Variants in ROR1 observed in about 807,000 individuals in gnomAD.
ROR1 encodes the protein ROR family WNT receptor 1.
Under a neutral mutation model 78.8 loss-of-function variants are expected in ROR1, and 19 were observed. That is an observed-to-expected ratio of 0.24 (90% CI 0.17 to 0.35). ROR1 has a LOEUF of 0.35. Ranked by LOEUF, ROR1 falls within the 10% of genes least tolerant of loss-of-function variation. The pLI is 1.00. For synonymous variants in ROR1, 386 were observed against 433.6 expected, an observed-to-expected ratio of 0.89 and a Z score of 1.36; for missense variants, 917 against 1,177.8, an observed-to-expected ratio of 0.78 and a Z score of 3.24.
chr1:63,873,718 A>G (rs2100362902), intron 1 of ROR1, among the ~76,000 whole-genome samples: 1 of 150,518 alleles, frequency 6.6e-6, no homozygotes, highest in African/African-American at 2.5e-5. Context: ...TCCAAGTAAT[A>G]CATGGTTCAA....
In ROR1 at chr1:63,774,649, G is replaced by C. The variant is rs930449287; in HGVS notation, c.91+141G>C. On this transcript the variant is annotated intron_variant, in intron 1 of 8. Transcript: ENST00000371079. This position sits in a 1 kb window ranked among gnomAD's most constrained non-coding sequence, Gnocchi z 5.7. ...CCGGCCACCCGCCACGGGGCTCGCC[G>C]GCGCCGCCAGGCCAGGGTTTGCCCC... is the stretch of plus-strand genomic sequence containing the variant. 3.4e-6 allele frequency: 1 copy of C among 290,596 alleles called. No individual in the cohort carries two copies. The highest frequency in any genetic ancestry group is 5.2e-6 in the Non-Finnish European group (1 of 193,224). 18.0% of individuals were successfully genotyped at this position (290,596 alleles called of 1,614,324 possible).
At chr1:63,958,301 T>G (rs552488245) in intron 1 of ROR1, among the ~76,000 whole-genome samples, 38 of 152,316 alleles carry the variant, frequency 2.5e-4, no homozygotes, top group African/African-American at 9.1e-4. Flanking sequence ...AACTTATTCT[T>G]TTTTGTGAGT....
chr1:64,023,480 G>A (rs1236623230), intron 2 of ROR1, among the ~76,000 whole-genome samples: 2 of 152,180 alleles, frequency 1.3e-5, no homozygotes, highest in East Asian at 1.9e-4. Flanking sequence ...TGGGCCTGAT[G>A]TGTCACCTGT....
At chr1:63,807,728 C>T (rs1233550293) in intron 1 of ROR1, among the ~76,000 whole-genome samples, 1 of 152,144 alleles carries the variant, frequency 6.6e-6, no homozygotes, top group Non-Finnish European at 1.5e-5. Context: ...AGTTACTGTT[C>T]AGTACCAGGT....
At chr1:64,040,011 G>T (rs1646733564) in intron 2 of ROR1, among the ~76,000 whole-genome samples, 1 of 152,196 alleles carries the variant, frequency 6.6e-6, no homozygotes, top group Non-Finnish European at 1.5e-5. Context: ...GTGAAGCAAA[G>T]TAATAGCTGG....
intron 2 of ROR1, among the ~76,000 whole-genome samples, chr1:64,012,627 A>C (rs1646485143): frequency 6.6e-6 from 1 of 152,208 alleles, no homozygotes; most frequent in Non-Finnish European, 1.5e-5. Context: ...AAAAAATTAT[A>C]ATGCATACAA....
intron 1 of ROR1, among the ~76,000 whole-genome samples, chr1:64,007,164 A>G (rs1646434477): frequency 6.6e-6 from 1 of 152,174 alleles, no homozygotes; most frequent in African/African-American, 2.4e-5. Context: ...CCTGCATTCT[A>G]TCTCAGATCA....
At chr1:64,165,308 T>G (rs951886333) in intron 8 of ROR1, among the ~76,000 whole-genome samples, 16 of 152,172 alleles carry the variant, frequency 1.1e-4, no homozygotes, top group African/African-American at 3.9e-4. Flanking sequence ...TGGTGTCTCA[T>G]TGTGGTTTTG....
At chr1:64,053,965 A>ATTTTATTTTATTTTATTTTAGTTTATTT (rs1460407003) in intron 4 of ROR1, among the ~76,000 whole-genome samples, 1 of 151,716 alleles carries the variant, frequency 6.6e-6, no homozygotes, top group African/African-American at 2.4e-5. Context: ...ATTTTATTTT[A>ATTTTATTTTATTTTATTTTAGTTTATTT]TTTTGAAACA....
At chr1:63,835,387 A>C (rs1645013871) in intron 1 of ROR1, among the ~76,000 whole-genome samples, 2 of 152,236 alleles carry the variant, frequency 1.3e-5, no homozygotes, top group African/African-American at 4.8e-5. Flanking sequence ...GCATGTCTCC[A>C]GAGCAAAAAG....
intron 1 of ROR1, among the ~76,000 whole-genome samples, chr1:63,859,644 A>T (rs1402835921): frequency 1.3e-5 from 2 of 152,092 alleles, no homozygotes; most frequent in African/African-American, 4.8e-5. Flanking sequence ...CACTGGAGAG[A>T]TGCCATGCTT....
chr1:63,801,764 A>C (rs995719103), intron 1 of ROR1, among the ~76,000 whole-genome samples: 4 of 152,336 alleles, frequency 2.6e-5, no homozygotes, highest in African/African-American at 9.6e-5. Flanking sequence ...TAGTGAAGAA[A>C]TGAAATTAAC....
intron 4 of ROR1, among the ~76,000 whole-genome samples, chr1:64,096,644 T>C (rs1265947828): frequency 1.3e-5 from 2 of 152,168 alleles, no homozygotes; most frequent in Admixed American, 6.6e-5. Context: ...CAGTCTATCA[T>C]TGATGGGTAT....
At chr1:64,047,481 G>A (rs1474614602) in intron 2 of ROR1, among the ~76,000 whole-genome samples, 1 of 152,168 alleles carries the variant, frequency 6.6e-6, no homozygotes, top group African/African-American at 2.4e-5. Flanking sequence ...TAGGCAAGGG[G>A]CTGACCTGAA....
At chr1:63,925,271 TTTTG>T (rs1645692614) in intron 1 of ROR1, among the ~76,000 whole-genome samples, 1 of 151,118 alleles carries the variant, frequency 6.6e-6, no homozygotes. Context: ...GTGTCTGGTT[TTTTG>T]TTCTTGCGAT....
At chr1:63,812,205 C>A (rs1420555768) in intron 1 of ROR1, among the ~76,000 whole-genome samples, 6 of 152,286 alleles carry the variant, frequency 3.9e-5, no homozygotes, top group African/African-American at 1.4e-4. Flanking sequence ...AGTGATCTGT[C>A]CGCCTCAGCT....
chr1:64,069,395 A>G (rs913544322), intron 4 of ROR1, among the ~76,000 whole-genome samples: 5 of 152,104 alleles, frequency 3.3e-5, no homozygotes, highest in Non-Finnish European at 7.4e-5. Flanking sequence ...CTTCTCCACA[A>G]TAGTACATGT....
chr1:63,923,206 A>G (rs1230048921), intron 1 of ROR1, among the ~76,000 whole-genome samples: 1 of 152,160 alleles, frequency 6.6e-6, no homozygotes, highest in Non-Finnish European at 1.5e-5. Context: ...ATACCCACAG[A>G]GTGCTGGGTT....
intron 4 of ROR1, 35 bp downstream of exon 4, chr1:64,050,751 A>G: frequency 6.2e-7 from 1 of 1,608,232 alleles, no homozygotes; most frequent in Non-Finnish European, 8.5e-7. Context: ...GTCATTTCTA[A>G]GTGTTTCTCC....
Sources: allele counts gnomAD v4.1 joint callset (sites outside exome capture counted in the v4.1 genomes callset), GRCh38; gene constraint gnomAD v4.1.1; non-coding constraint Gnocchi (gnomAD v3.1); transcripts MANE v1.5; gene names NCBI Gene and HGNC (gene_info 2026-07-23, HGNC 2026-07-21).